The following MACROD2 variants were observed in gnomAD, a reference collection of about 807,000 sequenced individuals.
The protein encoded by MACROD2 is mono-ADP ribosylhydrolase 2.
A neutral mutation model predicts 70.4 loss-of-function variants in MACROD2; 36 were observed. The observed-to-expected ratio is 0.51, with a 90% CI of 0.39 to 0.68. The LOEUF (loss-of-function observed/expected upper bound fraction) is 0.68. Ranked by LOEUF, MACROD2 falls within the 30% of genes least tolerant of loss-of-function variation. The probability of loss-of-function intolerance (pLI) is 0.00; values close to 1 mark genes in which losing one functional copy is unlikely to be tolerated. For missense variants in MACROD2, 496 were observed against 538.4 expected (o/e 0.92, Z 0.78); for synonymous variants, 172 against 178.8 (o/e 0.96, Z 0.30).
intron 4 of MACROD2, among the ~76,000 whole-genome samples, chr20:14,668,820 T>A (rs1024330685): frequency 2.6e-5 from 4 of 152,094 alleles, no homozygotes; most frequent in African/African-American, 7.2e-5. Flanking sequence ...GAGGGCAAAA[T>A]CTTCATCTAT....
At chr20:14,999,287 C>T (rs2074974557) in intron 5 of MACROD2, among the ~76,000 whole-genome samples, 1 of 152,190 alleles carries the variant, frequency 6.6e-6, no homozygotes, top group African/African-American at 2.4e-5. Flanking sequence ...AACTACTCAT[C>T]TTCAGTAGGA....
chr20:14,708,766 C>A (rs771408281), intron 5 of MACROD2, among the ~76,000 whole-genome samples: 1 of 151,952 alleles, frequency 6.6e-6, no homozygotes, highest in African/African-American at 2.4e-5. Flanking sequence ...TACAGGTGCC[C>A]GCCACCATGC....
intron 6 of MACROD2, among the ~76,000 whole-genome samples, chr20:15,340,126 CTTTCTTTTTTTTTTTTT>C (rs1338988822): frequency 1.1e-5 from 1 of 91,842 alleles, no homozygotes; most frequent in East Asian, 3.6e-4. Context: ...TTCTTTCTTT[CTTTCTTTTTTTTTTTTT>C]TTTTTTTTTT....
At position 14,773,195 on chromosome 20, in the gene MACROD2, A is replaced by G. The variant is rs549763366; in HGVS notation, c.418+88236A>G. On this transcript the variant is annotated intron_variant, in intron 5 of 17. Coordinates refer to ENST00000684519, the MANE Select transcript of MACROD2 (RefSeq NM_001351661.2). ...TGAGCAGTATATTTTTGCCACTAAA[A>G]TTGCCAACTGAATAATAAATCAGGT... Among the ~76,000 whole-genome samples the G allele has an allele frequency of 1.3e-5, 2 of 152,212 alleles. 1 individual carries two copies. Among genetic ancestry groups the G allele is most frequent in the African/African-American group, 4.8e-5 (2 of 41,532 alleles).
rs185307196 is a variant in MACROD2, at chr20:15,063,918, A to G, written c.419-166022A>G. On this transcript the variant is annotated intron_variant, in intron 5 of 17. Transcript: ENST00000684519. ...GCTCCATAATCCATAATCTGTAGCCATGATTTGATTTCCAAAATTTACTGC... is the reference window on the plus strand; with the variant it reads ...GCTCCATAATCCATAATCTGTAGCCGTGATTTGATTTCCAAAATTTACTGC... 1.0e-3 allele frequency among the ~76,000 whole-genome samples: 159 copies of G among 152,342 alleles called. 1 individual carries two copies. The highest frequency in any genetic ancestry group is 2.3e-3 in the Admixed American group (35 of 15,306).
At chr20:14,979,323 T>C (rs1239918098) in intron 5 of MACROD2, among the ~76,000 whole-genome samples, 1 of 152,124 alleles carries the variant, frequency 6.6e-6, no homozygotes, top group African/African-American at 2.4e-5. Context: ...TTTCTAACTA[T>C]TTTTCATGGC....
chr20:15,752,709 A>C (rs899790554), intron 8 of MACROD2, among the ~76,000 whole-genome samples: 3 of 152,030 alleles, frequency 2.0e-5, no homozygotes, highest in Non-Finnish European at 4.4e-5. Context: ...GTGATATTCC[A>C]TTTCGCTGGA....
intron 8 of MACROD2, among the ~76,000 whole-genome samples, chr20:15,585,041 C>T (rs2048578317): frequency 6.6e-6 from 1 of 152,136 alleles, no homozygotes; most frequent in South Asian, 2.1e-4. Context: ...GTCTAGGGGA[C>T]TACACTGCTA....
At chr20:15,984,545 T>G (rs2066449481) in intron 13 of MACROD2, among the ~76,000 whole-genome samples, 1 of 152,150 alleles carries the variant, frequency 6.6e-6, no homozygotes, top group Admixed American at 6.5e-5. Context: ...CTTTTTGACT[T>G]ATTACATTTT....
At chr20:14,448,702 C>A (rs560562454) in intron 3 of MACROD2, among the ~76,000 whole-genome samples, 1 of 150,830 alleles carries the variant, frequency 6.6e-6, no homozygotes, top group Non-Finnish European at 1.5e-5. Context: ...GAAAGAAAGG[C>A]GGTGAGAGAC....
intron 10 of MACROD2, among the ~76,000 whole-genome samples, chr20:15,893,193 G>A (rs1425334403): frequency 6.6e-6 from 1 of 152,144 alleles, no homozygotes; most frequent in Non-Finnish European, 1.5e-5. Flanking sequence ...AGTTTATTTT[G>A]TTAAGGTAAA....
At chr20:14,619,162 G>A (rs1983654663) in intron 4 of MACROD2, among the ~76,000 whole-genome samples, 1 of 151,678 alleles carries the variant, frequency 6.6e-6, no homozygotes, top group Admixed American at 6.6e-5. Context: ...TGGTTTCTAG[G>A]CAGTCAGTGC....
At chr20:14,429,149 A>C (rs763464821) in intron 3 of MACROD2, among the ~76,000 whole-genome samples, 1 of 152,060 alleles carries the variant, frequency 6.6e-6, no homozygotes, top group Non-Finnish European at 1.5e-5. Context: ...ATGATATTTA[A>C]ACTCACTGTA....
chr20:14,416,353 G>C (rs561335889), intron 3 of MACROD2, among the ~76,000 whole-genome samples: 1 of 152,160 alleles, frequency 6.6e-6, no homozygotes, highest in East Asian at 1.9e-4. Flanking sequence ...TTTCCCCCCA[G>C]TGTAAATTAA....
intron 3 of MACROD2, among the ~76,000 whole-genome samples, chr20:14,107,423 C>A (rs2054384218): frequency 6.6e-6 from 1 of 151,742 alleles, no homozygotes; most frequent in Admixed American, 6.6e-5. Context: ...CTCAAAAGGG[C>A]AAATCTAAGA....
intron 5 of MACROD2, among the ~76,000 whole-genome samples, chr20:15,195,481 A>T (rs1257445651): frequency 6.6e-6 from 1 of 152,212 alleles, no homozygotes; most frequent in Non-Finnish European, 1.5e-5. Flanking sequence ...ATGAAAAAAA[A>T]GTTCAACATG....
intron 8 of MACROD2, among the ~76,000 whole-genome samples, chr20:15,537,767 C>A (rs1358009650): frequency 6.6e-6 from 1 of 152,180 alleles, no homozygotes; most frequent in African/African-American, 2.4e-5. Flanking sequence ...AGCCACCATG[C>A]CAGGCCCCAC....
chr20:14,732,297 TG>T (rs2071608606), intron 5 of MACROD2, among the ~76,000 whole-genome samples: 1 of 152,188 alleles, frequency 6.6e-6, no homozygotes, highest in South Asian at 2.1e-4. Context: ...TAGTATTTCT[TG>T]GGCAAACTTT....
At chr20:14,739,563 A>G (rs2071708993) in intron 5 of MACROD2, among the ~76,000 whole-genome samples, 1 of 152,026 alleles carries the variant, frequency 6.6e-6, no homozygotes. Context: ...TTATCTACTC[A>G]AAAATTAAAT....
Sources: allele counts gnomAD v4.1 joint callset (sites outside exome capture counted in the v4.1 genomes callset), GRCh38; gene constraint gnomAD v4.1.1; transcripts MANE v1.5; gene names NCBI Gene and HGNC (gene_info 2026-07-23, HGNC 2026-07-21).